The following RFX7 variants were observed in gnomAD, a reference collection of about 807,000 sequenced individuals.
The protein encoded by RFX7 is DNA-binding protein RFX7.
In RFX7, 26 loss-of-function variants were observed where a neutral mutation model predicts 111.8. The observed-to-expected ratio is 0.23, with a 90% CI of 0.17 to 0.32. RFX7 has a LOEUF of 0.32. RFX7 is among the 10% of genes least tolerant of loss of function. The probability of loss-of-function intolerance (pLI) is 1.00; values close to 1 mark genes in which losing one functional copy is unlikely to be tolerated. For missense variants in RFX7, 1,573 were observed against 1,772.9 expected (o/e 0.89, Z 2.02); for synonymous variants, 624 against 624.4 (o/e 1.00, Z 0.01).
intron 3 of RFX7, among the ~76,000 whole-genome samples, chr15:56,177,576 A>G (rs933175621): frequency 1.3e-5 from 2 of 152,186 alleles, no homozygotes; most frequent in Non-Finnish European, 2.9e-5. Context: ...AAAAGACTTT[A>G]AAAAGAACTT....
chr15:56,184,496 G>A (rs2043016026), intron 2 of RFX7, among the ~76,000 whole-genome samples: 1 of 152,024 alleles, frequency 6.6e-6, no homozygotes, highest in Non-Finnish European at 1.5e-5. Flanking sequence ...AGTGATAGAA[G>A]ATATCCTTGT....
intron 3 of RFX7, among the ~76,000 whole-genome samples, chr15:56,151,052 T>C (rs1252744442): frequency 6.7e-6 from 1 of 150,364 alleles, no homozygotes; most frequent in Non-Finnish European, 1.5e-5. Context: ...CCAAGAAATA[T>C]GGGACTACGT....
chr15:56,128,494 C>T (rs1334696886), intron 5 of RFX7, among the ~76,000 whole-genome samples: 9 of 152,102 alleles, frequency 5.9e-5, no homozygotes, highest in Non-Finnish European at 1.2e-4. Context: ...ATAATCATCT[C>T]AATAGATGCA....
At chr15:56,128,874 A>G (rs1335035201) in intron 5 of RFX7, among the ~76,000 whole-genome samples, 3 of 152,132 alleles carry the variant, frequency 2.0e-5, no homozygotes, top group African/African-American at 7.2e-5. Context: ...TACGAGATCA[A>G]TATACAAAAT....
intron 5 of RFX7, among the ~76,000 whole-genome samples, chr15:56,123,406 C>T (rs1302584380): frequency 6.6e-6 from 1 of 152,146 alleles, no homozygotes; most frequent in African/African-American, 2.4e-5. Context: ...CTGCCCGGTA[C>T]CCTATACTAC....
intron 8 of RFX7, among the ~76,000 whole-genome samples, chr15:56,101,009 TATTA>T (rs1255743101): frequency 1.3e-5 from 2 of 150,740 alleles, no homozygotes; most frequent in Non-Finnish European, 2.9e-5. Flanking sequence ...TTACTTCTCT[TATTA>T]ATTTAGATAC....
intron 2 of RFX7, among the ~76,000 whole-genome samples, chr15:56,209,228 A>G (rs2043286521): frequency 6.6e-6 from 1 of 151,976 alleles, no homozygotes. Flanking sequence ...TAAGAATTAT[A>G]TCTGATTCTC....
intron 5 of RFX7, among the ~76,000 whole-genome samples, chr15:56,135,459 G>A (rs1347858604): frequency 6.6e-6 from 1 of 152,016 alleles, no homozygotes; most frequent in Non-Finnish European, 1.5e-5. Flanking sequence ...TTTTGATGGG[G>A]CTGTTTGTTT....
chr15:56,105,282 T>G (rs1441727292), intron 5 of RFX7, among the ~76,000 whole-genome samples: 5 of 152,224 alleles, frequency 3.3e-5, no homozygotes, highest in Non-Finnish European at 5.9e-5. Flanking sequence ...TCTGTTTCTT[T>G]TCTTTGCATG....
chr15:56,210,875 C>T (rs1413064348), intron 2 of RFX7, among the ~76,000 whole-genome samples: 7 of 151,920 alleles, frequency 4.6e-5, no homozygotes, highest in Non-Finnish European at 8.8e-5. Context: ...AAGCTTCCAT[C>T]GTAGGAAACT....
Position 56,087,626 on chromosome 15 carries a change from G to A in RFX7, c.*5719C>T. The A allele has an allele frequency of 2.2e-6, 1 of 450,486 alleles. No homozygotes were observed. Among genetic ancestry groups the A allele is most frequent in the Non-Finnish European group, 4.5e-6 (1 of 223,286 alleles). 27.9% of individuals were successfully genotyped at this position (450,486 alleles called of 1,614,324 possible). ...CAGCCTTTTGGTCAGATGGCTGTGT[G>A]CTCAGCTAAAAATCAAGGACTTTTA... On this transcript the variant is annotated 3_prime_UTR_variant, in exon 10 of 10. Coordinates refer to ENST00000559447, the MANE Select transcript of RFX7 (RefSeq NM_022841.7).
At position 56,148,710 on chromosome 15, in the gene RFX7, T is replaced by G. The variant is rs540430839; in HGVS notation, c.196-4227A>C. 3.4e-4 allele frequency among the ~76,000 whole-genome samples: 52 copies of G among 152,324 alleles called. 1 individual carries two copies. In the South Asian group the frequency reaches 0.01, roughly 30 times the overall value. ...GCTCACCTACATTTCTCAGTCCACT[T>G]TGCAGTTAGCTTGTAGTCATGTGAT... On this transcript the variant is annotated intron_variant, in intron 3 of 9. Transcript: ENST00000559447.
At chr15:56,124,739 C>T (rs574200565) in intron 5 of RFX7, among the ~76,000 whole-genome samples, 8 of 152,322 alleles carry the variant, frequency 5.3e-5, no homozygotes, top group African/African-American at 1.9e-4. Context: ...GTTCCTTGTA[C>T]ATAATGATCT....
At chr15:56,225,578 T>G (rs2043473801) in intron 2 of RFX7, among the ~76,000 whole-genome samples, 1 of 152,184 alleles carries the variant, frequency 6.6e-6, no homozygotes, top group African/African-American at 2.4e-5. Flanking sequence ...ACATCTCACT[T>G]TAGAAGTCAG....
At chr15:56,156,016 G>A (rs1483348187) in intron 3 of RFX7, among the ~76,000 whole-genome samples, 1 of 152,002 alleles carries the variant, frequency 6.6e-6, no homozygotes, top group African/African-American at 2.4e-5. Flanking sequence ...TAAAAAGTCA[G>A]CTCTAATAAG....
In RFX7 at chr15:56,144,496, G is replaced by T. The variant is rs752319101; in HGVS notation, c.196-13C>A. 1 of 1,327,192 alleles carries T rather than the reference G, an allele frequency of 7.5e-7. No individual in the cohort carries two copies. The highest frequency in any genetic ancestry group is 2.0e-5 in the Admixed American group (1 of 50,442). 82.2% of individuals were successfully genotyped at this position (1,327,192 alleles called of 1,614,324 possible). On this transcript the variant is annotated splice_polypyrimidine_tract_variant and intron_variant, in intron 3 of 9. Coordinates refer to ENST00000559447, the MANE Select transcript of RFX7 (RefSeq NM_022841.7). ...TCTCAACTTCTTGCTATTTACAAAG[G>T]ATTAAAAAGAAAGATCATTTTTAAA...
intron 2 of RFX7, among the ~76,000 whole-genome samples, chr15:56,227,416 T>C (rs1246455526): frequency 2.6e-5 from 4 of 152,204 alleles, no homozygotes; most frequent in Admixed American, 6.5e-5. Context: ...TTACTATTCA[T>C]TGACCATGTT....
At chr15:56,123,907 G>A (rs761020457) in intron 5 of RFX7, among the ~76,000 whole-genome samples, 4 of 152,336 alleles carry the variant, frequency 2.6e-5, no homozygotes, top group Admixed American at 6.5e-5. Flanking sequence ...TCCGTGGCAG[G>A]TGCTGGGAGA....
chr15:56,121,749 A>G (rs1467786685), intron 5 of RFX7, among the ~76,000 whole-genome samples: 1 of 151,908 alleles, frequency 6.6e-6, no homozygotes, highest in Non-Finnish European at 1.5e-5. Flanking sequence ...CTGACTGTGT[A>G]TGTTCAAATA....
Sources: gnomAD v4.1 joint callset for allele counts (sites outside exome capture counted in the v4.1 genomes callset) on GRCh38, gnomAD v4.1.1 for gene constraint, MANE v1.5 for transcripts, NCBI Gene and HGNC (gene_info 2026-07-23, HGNC 2026-07-21) for gene names.